Variants in DUS1L observed in about 807,000 individuals in gnomAD.
The protein encoded by DUS1L is tRNA-dihydrouridine(16/17) synthase [NAD(P)(+)]-like.
A neutral mutation model predicts 61.2 loss-of-function variants in DUS1L; 56 were observed. The ratio of observed to expected loss-of-function variants is 0.92; its 90% CI spans 0.74 to 1.14. DUS1L has a LOEUF of 1.14. Among genes scored for constraint, DUS1L ranks in the 50% most tolerant of loss-of-function variants. The pLI is 0.00. For synonymous variants in DUS1L, 278 were observed against 259.5 expected, an observed-to-expected ratio of 1.07 and a Z score of -0.69; for missense variants, 630 against 632.4, an observed-to-expected ratio of 1.00 and a Z score of 0.04.
intron 1 of DUS1L, 193 bp downstream of exon 1, chr17:82,065,420 G>A (rs931715788): frequency 3.4e-5 from 8 of 236,164 alleles, no homozygotes; most frequent in African/African-American, 9.0e-5. Context: ...TAGGACCCCC[G>A]GCCCCTTCCC....
chr17:82,059,913 G>C (rs746638846), intron 11 of DUS1L, 35 bp downstream of exon 11: 1 of 1,612,206 alleles, frequency 6.2e-7, no homozygotes, highest in South Asian at 1.1e-5. Flanking sequence ...TGATGAAGAG[G>C]CTCTCTCGGG....
chr17:82,062,929 T>C lies in DUS1L; in HGVS notation c.442A>G (p.Ile148Val). ...EKLSVPVTCK[I>V]RVFPEIDKTV... ...TTGTCAATCTCCGGGAAGACACGGA[T>C]TTTGCACGTGACAGGAACAGAGAGT... Residue 148 changes from isoleucine (I) to valine (V), a missense_variant, in exon 5 of 14, where the codon ATC (isoleucine) becomes GTC (valine). Physicochemically the swap from Ile to Val is conservative, Grantham distance 29. Transcript: ENST00000306796. 6.2e-7 allele frequency: 1 copy of C among 1,612,930 alleles called. No homozygotes were observed. Among genetic ancestry groups the C allele is most frequent in the East Asian group, 2.2e-5 (1 of 44,874 alleles).
intron 11 of DUS1L, 161 bp downstream of exon 11, chr17:82,059,787 C>T: frequency 9.8e-7 from 1 of 1,021,428 alleles, no homozygotes; most frequent in Non-Finnish European, 1.5e-6. Flanking sequence ...CGTTCTGACC[C>T]CAAGTCTGGC....
In DUS1L at chr17:82,061,371, GGGAAGGACACCTC is replaced by G. The variant is rs772977184; in HGVS notation, c.698-31_698-19del. 1.9e-6 allele frequency: 3 copies of G among 1,558,308 alleles called. No homozygotes were observed. Among genetic ancestry groups the G allele is most frequent in the African/African-American group, 1.4e-5 (1 of 73,688 alleles). On this transcript the variant is annotated intron_variant, in intron 7 of 13. Transcript: ENST00000306796. ...GTTGCCCTCTGTGGGAGGAGGAGCG[GGGAAGGACACCTC>G]GTGGGTTGCTCCAGGTGGACGGCAC...
At chr17:82,063,236 G>A in intron 4 of DUS1L, 1 of 647,560 alleles carries the variant, frequency 1.5e-6, no homozygotes, top group South Asian at 1.9e-5. Context: ...CCCGAGCAAG[G>A]ACTCTGCCCT....
At chr17:82,065,559 G>A (rs1301379268) in intron 1 of DUS1L, 54 bp downstream of exon 1, 1 of 153,188 alleles carries the variant, frequency 6.5e-6, no homozygotes, top group Non-Finnish European at 1.5e-5. Flanking sequence ...GCCACGCGGC[G>A]GGCAGCGTTT....
At chr17:82,065,146 C>T (rs1178915176) in intron 1 of DUS1L, 77 bp from the exon 2 acceptor site, 2 of 1,333,102 alleles carry the variant, frequency 1.5e-6, no homozygotes, top group Non-Finnish European at 2.0e-6. Flanking sequence ...GCAGCGGTCA[C>T]CCTTCTAAGG....
At chr17:82,064,291 C>G (rs2033658271) in intron 2 of DUS1L, 57 bp from the exon 3 acceptor site, 6 of 1,481,686 alleles carry the variant, frequency 4.0e-6, no homozygotes, top group Non-Finnish European at 5.6e-6. Context: ...CCCTTGCTGC[C>G]CAGCCCTACG....
intron 5 of DUS1L, 92 bp from the exon 6 acceptor site, chr17:82,062,075 C>CA: frequency 8.4e-7 from 1 of 1,197,016 alleles, no homozygotes; most frequent in South Asian, 1.5e-5. Flanking sequence ...GCCCCTACTC[C>CA]ACCCCTCCGA....
In DUS1L at chr17:82,061,142, G is replaced by A. The variant is rs922616837; in HGVS notation, c.842+67C>T. On this transcript the variant is annotated intron_variant, in intron 8 of 13. Coordinates refer to ENST00000306796, the MANE Select transcript of DUS1L (RefSeq NM_022156.5). ...TTGACAAAACCTGCAAAATGCCCCA[G>A]GTGGGGTCTGACGGAATCTGCCTGG... The A allele has an allele frequency of 3.8e-5, 59 of 1,559,260 alleles. 1 individual carries two copies. In the African/African-American group the frequency reaches 7.4e-4, roughly 20 times the overall value.
At chr17:82,059,311 G>C (rs974986018) in intron 11 of DUS1L, 1 of 181,798 alleles carries the variant, frequency 5.5e-6, no homozygotes, top group African/African-American at 2.3e-5. Context: ...GCACCAGCCT[G>C]ATGTGGCAGC....
chr17:82,065,041 A>G lies in DUS1L; in HGVS notation c.19T>C (p.Phe7Leu), dbSNP rs2144753821. MPKLQG[F>L]EFWSRTLRGA... ...CGCAGGGTGCGGCTCCAGAACTCGAAGCCCTGCAGCTTTGGCATCGTCTCC... is the reference window on the plus strand; with the variant it reads ...CGCAGGGTGCGGCTCCAGAACTCGAGGCCCTGCAGCTTTGGCATCGTCTCC... The change falls in exon 2 of 14, where the codon TTC becomes CTC. Residue 7 changes from phenylalanine (F) to leucine (L), a missense_variant. Coordinates refer to ENST00000306796, the MANE Select transcript of DUS1L (RefSeq NM_022156.5). 1.2e-6 allele frequency: 2 copies of G among 1,600,768 alleles called. No individual in the cohort carries two copies. Among genetic ancestry groups the G allele is most frequent in the South Asian group, 2.2e-5 (2 of 90,168 alleles).
In DUS1L at chr17:82,061,279, C is replaced by T; in HGVS notation, c.772G>A (p.Asp258Asn). The T allele has an allele frequency of 6.2e-7, 1 of 1,611,364 alleles. No individual in the cohort carries two copies. The highest frequency in any genetic ancestry group is 8.5e-7 in the Non-Finnish European group (1 of 1,179,096). Residue 258 changes from aspartate to asparagine, a missense_variant, in exon 8 of 14, where the codon GAC becomes AAC. Asp to Asn is a conservative substitution (Grantham distance 23). Coordinates refer to ENST00000306796, the MANE Select transcript of DUS1L (RefSeq NM_022156.5). Reference protein sequence around the residue: ...AVWELAEEYLDIVREHPCPLS... With the variant: ...AVWELAEEYLNIVREHPCPLS... The stretch of plus-strand genomic sequence containing the variant: ...GGGCAGGGGTGCTCCCGCACGATGT[C>T]CAGATACTCCTCGGCCAGCTCCCAC...
At position 82,058,279 on chromosome 17, in the gene DUS1L, G is replaced by A. The variant is rs367654816; in HGVS notation, c.1283-25C>T. The A allele has an allele frequency of 1.1e-4, 164 of 1,555,156 alleles. 1 individual carries two copies. Among genetic ancestry groups the A allele is most frequent in the Admixed American group, 1.3e-4 (7 of 53,898 alleles). Reference sequence around the variant, plus strand: ...CCTGGCAGAGCGAGTGAGAGGAGTCGGGGGTCAGGAGGCGGAGGGGGTCTG... The same window carrying A: ...CCTGGCAGAGCGAGTGAGAGGAGTCAGGGGTCAGGAGGCGGAGGGGGTCTG... On this transcript the variant is annotated intron_variant, in intron 13 of 13. Transcript: ENST00000306796.
chr17:82,058,976 C>G (rs2033266980), intron 11 of DUS1L, 158 bp from the exon 12 acceptor site: 1 of 678,226 alleles, frequency 1.5e-6, no homozygotes, highest in Non-Finnish European at 2.6e-6. Context: ...GCAGGCTGGC[C>G]ACGTCTGCTT....
chr17:82,058,938 GC>G, intron 11 of DUS1L, 120 bp from the exon 12 acceptor site: 1 of 952,526 alleles, frequency 1.0e-6, no homozygotes, highest in Non-Finnish European at 1.7e-6. Flanking sequence ...GGCCAGCCAG[GC>G]CAGGAGGCTC....
chr17:82,058,396 G>A lies in DUS1L; in HGVS notation c.1227C>T (p.Ser409=), dbSNP rs774994519. The A allele has an allele frequency of 7.4e-6, 11 of 1,495,036 alleles. No individual in the cohort carries two copies. Among genetic ancestry groups the A allele is most frequent in the Admixed American group, 2.3e-5 (1 of 43,156 alleles). The allele number at this position is 1,495,036 out of a possible 1,614,324, so 92.6% of individuals were successfully genotyped here. A position where few individuals can be genotyped will look rare whatever the true frequency, so the allele number is the denominator to read the frequency against. ...GNPKGNRCVF[S]LCRGCCKKRA... ...GCTTCTTGCAGCAGCCGCGGCACAG[G>A]CTGAACACACATCTGTTGCCCTGGG... Residue 409 remains serine (S), a synonymous_variant, in exon 13 of 14, where the codon AGC becomes AGT. Coordinates refer to ENST00000306796, the MANE Select transcript of DUS1L (RefSeq NM_022156.5).
In DUS1L at chr17:82,058,397, C is replaced by T; in HGVS notation, c.1226G>A (p.Ser409Asn). Residue 409 changes from serine (S) to asparagine (N), a missense_variant, in exon 13 of 14, where the codon AGC (serine) becomes AAC (asparagine). Ser to Asn is a conservative substitution (Grantham distance 46). Transcript: ENST00000306796. ...GNPKGNRCVF[S>N]LCRGCCKKRA... is the part of the protein sequence containing the mutation. ...CTTCTTGCAGCAGCCGCGGCACAGG[C>T]TGAACACACATCTGTTGCCCTGGGC... is the stretch of plus-strand genomic sequence containing the variant. 1 of 1,495,248 alleles carries T rather than the reference C, an allele frequency of 6.7e-7. No individual in the cohort carries two copies. Among genetic ancestry groups the T allele is most frequent in the East Asian group, 2.3e-5 (1 of 42,990 alleles). 92.6% of individuals were successfully genotyped at this position (1,495,248 alleles called of 1,614,324 possible).
chr17:82,060,134 G>C, intron 10 of DUS1L, 41 bp from the exon 11 acceptor site: 1 of 1,594,370 alleles, frequency 6.3e-7, no homozygotes, highest in Non-Finnish European at 8.5e-7. Context: ...GACACTGTGA[G>C]AGGGGCCCAG....
Sources: allele counts gnomAD v4.1 joint callset, GRCh38; gene constraint gnomAD v4.1.1; transcripts MANE v1.5; gene names NCBI Gene and HGNC (gene_info 2026-07-23, HGNC 2026-07-21).